Variants in RGS7 observed in about 807,000 individuals in gnomAD.
RGS7 encodes regulator of G-protein signaling 7.
Under a neutral mutation model 81.1 loss-of-function variants are expected in RGS7, and 27 were observed. The observed-to-expected ratio is 0.33, with a 90% CI of 0.25 to 0.46. RGS7 has a LOEUF of 0.46. RGS7 is among the 20% of genes least tolerant of loss of function. The pLI is 1.00. For synonymous variants in RGS7, 208 were observed against 207.7 expected, an observed-to-expected ratio of 1.00 and a Z score of -0.01; for missense variants, 396 against 607.4, an observed-to-expected ratio of 0.65 and a Z score of 3.66.
chr1:240,869,710 C>A (rs968289935), intron 7 of RGS7, among the ~76,000 whole-genome samples: 3 of 152,060 alleles, frequency 2.0e-5, no homozygotes, highest in Admixed American at 2.0e-4. Context: ...GAGGCTGAGG[C>A]GGGTAGATCA....
intron 2 of RGS7, among the ~76,000 whole-genome samples, chr1:241,219,964 C>G (rs142594348): frequency 9.8e-5 from 15 of 152,300 alleles, no homozygotes; most frequent in Admixed American, 3.3e-4. Flanking sequence ...TCCTAAATTG[C>G]TGTTTCTGTG....
chr1:240,967,528 C>T (rs1453838029), intron 4 of RGS7, among the ~76,000 whole-genome samples: 1 of 144,526 alleles, frequency 6.9e-6, no homozygotes, highest in African/African-American at 2.7e-5. Flanking sequence ...CGGGCACAAG[C>T]AGTGCCCTTG....
chr1:240,874,794 A>G (rs1256995680), intron 6 of RGS7, among the ~76,000 whole-genome samples: 1 of 152,114 alleles, frequency 6.6e-6, no homozygotes, highest in Non-Finnish European at 1.5e-5. Flanking sequence ...TAATCTCAGC[A>G]GTTTGGGAGG....
intron 2 of RGS7, among the ~76,000 whole-genome samples, chr1:241,347,435 A>G (rs915130824): frequency 6.6e-6 from 1 of 152,198 alleles, no homozygotes; most frequent in Non-Finnish European, 1.5e-5. Flanking sequence ...AAGTTCAGAG[A>G]CTTAGACAAG....
intron 6 of RGS7, among the ~76,000 whole-genome samples, chr1:240,910,610 T>C (rs979229330): frequency 6.6e-6 from 1 of 152,128 alleles, no homozygotes; most frequent in African/African-American, 2.4e-5. Context: ...CACAAAGAAA[T>C]AATAGTGTTT....
chr1:240,896,770 CT>C (rs995549222), intron 6 of RGS7, among the ~76,000 whole-genome samples: 2 of 152,098 alleles, frequency 1.3e-5, no homozygotes, highest in African/African-American at 4.8e-5. Flanking sequence ...AATGTGGGCT[CT>C]TTTTTGGTTC....
At position 240,855,308 on chromosome 1, in the gene RGS7, C is replaced by CAAAAAAAA. The variant is rs758331434; in HGVS notation, c.609+13271_609+13278dup. Reference sequence around the variant, plus strand: ...TGGGCGACAGAGTGAGACCATGTCTCAAAAAAAAAAAAAAAAAAAGGAGAA... The same window carrying CAAAAAAAA: ...TGGGCGACAGAGTGAGACCATGTCTCAAAAAAAAAAAAAAAAAAAAAAAAAAAGGAGAA... On this transcript the variant is annotated intron_variant, in intron 9 of 18. Transcript: ENST00000440928. Among the ~76,000 whole-genome samples the CAAAAAAAA allele has an allele frequency of 1.9e-3, 28 of 14,924 alleles. 2 individuals carry two copies. Among genetic ancestry groups the CAAAAAAAA allele is most frequent in the African/African-American group, 3.8e-3 (21 of 5,468 alleles). 9.8% of individuals were successfully genotyped at this position (14,924 alleles called of 152,430 possible).
intron 9 of RGS7, among the ~76,000 whole-genome samples, chr1:240,841,775 C>T (rs1045846060): frequency 3.3e-4 from 50 of 152,276 alleles, no homozygotes; most frequent in Non-Finnish European, 3.5e-4. Context: ...AACCTTAGCT[C>T]GAATGCTTGT....
At chr1:241,286,170 A>G (rs972113429) in intron 2 of RGS7, among the ~76,000 whole-genome samples, 1 of 152,158 alleles carries the variant, frequency 6.6e-6, no homozygotes, top group African/African-American at 2.4e-5. Context: ...CACTTTCAAT[A>G]AGACTTCACC....
At chr1:241,127,089 A>G (rs932118168) in intron 2 of RGS7, among the ~76,000 whole-genome samples, 1 of 152,152 alleles carries the variant, frequency 6.6e-6, no homozygotes, top group African/African-American at 2.4e-5. Context: ...TTTCAACTCA[A>G]TGTCAAGGTA....
At chr1:241,339,312 A>T (rs2082408133) in intron 2 of RGS7, among the ~76,000 whole-genome samples, 1 of 152,124 alleles carries the variant, frequency 6.6e-6, no homozygotes, top group South Asian at 2.1e-4. Context: ...GGTTGATTCC[A>T]TGTCTTTGCT....
chr1:241,319,018 A>T (rs1051103314), intron 2 of RGS7, among the ~76,000 whole-genome samples: 4 of 152,186 alleles, frequency 2.6e-5, no homozygotes, highest in African/African-American at 9.7e-5. Context: ...ATCATGTGTG[A>T]TTTTTCAAAT....
intron 2 of RGS7, among the ~76,000 whole-genome samples, chr1:241,243,889 A>G (rs536808032): frequency 1.3e-5 from 2 of 152,318 alleles, no homozygotes; most frequent in East Asian, 3.9e-4. Flanking sequence ...TTCATTATTC[A>G]AAGAACATTT....
At chr1:241,234,896 C>T (rs986297839) in intron 2 of RGS7, among the ~76,000 whole-genome samples, 1 of 151,962 alleles carries the variant, frequency 6.6e-6, no homozygotes, top group African/African-American at 2.4e-5. Flanking sequence ...ATATTACCTT[C>T]AAATCCATCC....
At chr1:241,314,354 C>T (rs2080738081) in intron 2 of RGS7, among the ~76,000 whole-genome samples, 1 of 152,120 alleles carries the variant, frequency 6.6e-6, no homozygotes, top group African/African-American at 2.4e-5. Flanking sequence ...GAGGCAAGAT[C>T]CTCCCCAAGG....
chr1:240,841,484 C>G (rs558990512), intron 9 of RGS7, among the ~76,000 whole-genome samples: 2 of 152,114 alleles, frequency 1.3e-5, no homozygotes, highest in African/African-American at 4.8e-5. Flanking sequence ...AGATTAAAAC[C>G]CCATATGAGA....
intron 3 of RGS7, among the ~76,000 whole-genome samples, chr1:241,091,661 G>T (rs992021886): frequency 1.3e-5 from 2 of 152,046 alleles, no homozygotes; most frequent in African/African-American, 4.8e-5. Flanking sequence ...AGAGACATGA[G>T]GATCTCTTGA....
chr1:240,821,409 G>A (rs765688949), intron 10 of RGS7, among the ~76,000 whole-genome samples: 16 of 152,154 alleles, frequency 1.1e-4, no homozygotes, highest in Non-Finnish European at 1.5e-4. Flanking sequence ...CCGAGATCCC[G>A]CCACTGCACC....
intron 10 of RGS7, among the ~76,000 whole-genome samples, chr1:240,819,269 T>C (rs1691353681): frequency 6.6e-6 from 1 of 152,172 alleles, no homozygotes; most frequent in African/African-American, 2.4e-5. Flanking sequence ...TTATAAAAAA[T>C]AGCTGATGGT....
Sources: allele counts gnomAD v4.1 joint callset (sites outside exome capture counted in the v4.1 genomes callset), GRCh38; gene constraint gnomAD v4.1.1; transcripts MANE v1.5; gene names NCBI Gene and HGNC (gene_info 2026-07-23, HGNC 2026-07-21).